RALGAPA1: variants seen among roughly 807,000 people sequenced by gnomAD.
The protein encoded by RALGAPA1 is ral GTPase-activating protein subunit alpha-1.
Under a neutral mutation model 269.6 loss-of-function variants are expected in RALGAPA1, and 52 were observed. That is an observed-to-expected ratio of 0.19 (90% confidence interval 0.15 to 0.24). The LOEUF (loss-of-function observed/expected upper bound fraction) is 0.24. Ranked by LOEUF, RALGAPA1 falls within the 10% of genes least tolerant of loss-of-function variation. RALGAPA1 has a pLI of 1.00. For synonymous variants in RALGAPA1, 817 were observed against 1,008.3 expected, an observed-to-expected ratio of 0.81 and a Z score of 3.60; for missense variants, 1,917 against 3,013.9, an observed-to-expected ratio of 0.64 and a Z score of 8.52.
intron 31 of RALGAPA1, among the ~76,000 whole-genome samples, chr14:35,636,876 T>C (rs2061694668): frequency 6.6e-6 from 1 of 152,006 alleles, no homozygotes; most frequent in Non-Finnish European, 1.5e-5. Context: ...TTTCTCCCAT[T>C]CTCCCACTGC....
chr14:35,681,795 G>A (rs1358454483), intron 21 of RALGAPA1, among the ~76,000 whole-genome samples: 3 of 152,012 alleles, frequency 2.0e-5, no homozygotes, highest in African/African-American at 4.8e-5. Context: ...ATCTGTAGTC[G>A]ATCCCCTCAA....
intron 16 of RALGAPA1, among the ~76,000 whole-genome samples, chr14:35,717,155 T>C (rs941437189): frequency 6.6e-6 from 1 of 152,206 alleles, no homozygotes; most frequent in African/African-American, 2.4e-5. Flanking sequence ...GTATATTCTA[T>C]ACCATTTTTT....
rs939609902 is a variant in RALGAPA1 at position 35,674,461 on chromosome 14, T to C, written c.4818+55A>G. ...CACAAATGTTTTCTAAGGCTTCTTC[T>C]ATTTTTAAATATTTTTATTTTCTTC... On this transcript the variant is annotated intron_variant, in intron 23 of 41. Transcript: ENST00000680220. The C allele has an allele frequency of 6.1e-6, 9 of 1,474,468 alleles. No homozygotes were observed. The African/African-American group carries it at 1.1e-4, about 19-fold the overall frequency. The allele number at this position is 1,474,468 out of a possible 1,614,324, so 91.3% of individuals were successfully genotyped here. A position where few individuals can be genotyped will look rare whatever the true frequency, so the allele number is the denominator to read the frequency against.
At chr14:35,586,462 C>T (rs1246094166) in intron 37 of RALGAPA1, among the ~76,000 whole-genome samples, 1 of 152,136 alleles carries the variant, frequency 6.6e-6, no homozygotes, top group African/African-American at 2.4e-5. Context: ...GCCTGATTGC[C>T]CTGGCCAGAA....
chr14:35,741,487 C>T (rs879604272), intron 11 of RALGAPA1, among the ~76,000 whole-genome samples: 4 of 152,140 alleles, frequency 2.6e-5, no homozygotes, highest in South Asian at 4.2e-4. Flanking sequence ...CACACACACA[C>T]GCTCAGGCTC....
chr14:35,651,932 C>CT, intron 30 of RALGAPA1, 59 bp from the exon 31 acceptor site: 1 of 1,397,926 alleles, frequency 7.2e-7, no homozygotes, highest in Non-Finnish European at 9.8e-7. Flanking sequence ...ATGGTACATC[C>CT]TAAAACTTGA....
At chr14:35,702,566 T>C (rs1222472090) in intron 16 of RALGAPA1, among the ~76,000 whole-genome samples, 1 of 152,076 alleles carries the variant, frequency 6.6e-6, no homozygotes, top group Non-Finnish European at 1.5e-5. Context: ...CCAACAATTT[T>C]ATAATCTAAT....
At chr14:35,707,066 C>G (rs1157906150) in intron 16 of RALGAPA1, 2 of 152,060 alleles carry the variant, frequency 1.3e-5, no homozygotes, top group African/African-American at 4.8e-5. Flanking sequence ...AAATATTTTG[C>G]TAGATTTATA....
At chr14:35,726,668 C>A (rs762131572) in intron 13 of RALGAPA1, among the ~76,000 whole-genome samples, 4 of 151,948 alleles carry the variant, frequency 2.6e-5, no homozygotes, top group Non-Finnish European at 4.4e-5. Flanking sequence ...TCCCAAAATG[C>A]TATTACTTCA....
chr14:35,703,615 C>T (rs1181891881), intron 16 of RALGAPA1, among the ~76,000 whole-genome samples: 1 of 152,078 alleles, frequency 6.6e-6, no homozygotes, highest in South Asian at 2.1e-4. Flanking sequence ...GCTATGCAAC[C>T]CTCACTATAG....
At chr14:35,585,687 A>G (rs188510737) in intron 37 of RALGAPA1, among the ~76,000 whole-genome samples, 29 of 152,316 alleles carry the variant, frequency 1.9e-4, no homozygotes, top group African/African-American at 6.7e-4. Context: ...CAGTTTCCCC[A>G]GCACCATTTA....
rs1326894093 is a variant in RALGAPA1, at chr14:35,661,142, CA to C, written c.5329-1947del. Among the ~76,000 whole-genome samples, 5 of 151,822 alleles carry C rather than the reference CA, an allele frequency of 3.3e-5. No individual in the cohort carries two copies. In the East Asian group the frequency reaches 9.7e-4, roughly 29 times the overall value. ...CTTGGTTTCTTTTACTCCCTCTCAC[CA>C]AAAAAAGATAGCCATGTGAGGTGAT... On this transcript the variant is annotated intron_variant, in intron 27 of 41. Transcript: ENST00000680220.
intron 16 of RALGAPA1, among the ~76,000 whole-genome samples, chr14:35,716,928 T>C (rs1486136432): frequency 6.6e-6 from 1 of 152,194 alleles, no homozygotes; most frequent in South Asian, 2.1e-4. Flanking sequence ...TTTGCAAATA[T>C]AAATAATCTG....
chr14:35,584,851 C>T (rs1350309269), intron 37 of RALGAPA1, among the ~76,000 whole-genome samples: 2 of 151,938 alleles, frequency 1.3e-5, no homozygotes, highest in African/African-American at 4.8e-5. Context: ...ATTAATTCAA[C>T]TATATTAATA....
At chr14:35,657,064 A>T (rs2063219255) in intron 28 of RALGAPA1, among the ~76,000 whole-genome samples, 1 of 152,142 alleles carries the variant, frequency 6.6e-6, no homozygotes, top group South Asian at 2.1e-4. Flanking sequence ...TTTTTCTTGC[A>T]TGTAGAGTTT....
chr14:35,545,917 G>GA (rs1459981824), intron 41 of RALGAPA1, among the ~76,000 whole-genome samples: 1 of 151,992 alleles, frequency 6.6e-6, no homozygotes, highest in Middle Eastern at 3.2e-3. Context: ...TTGTAAATAT[G>GA]AAAAAACTTT....
intron 35 of RALGAPA1, among the ~76,000 whole-genome samples, chr14:35,606,359 G>A (rs1458190852): frequency 6.6e-6 from 1 of 152,180 alleles, no homozygotes; most frequent in Non-Finnish European, 1.5e-5. Context: ...ACATGTTACT[G>A]TAGGAATACT....
intron 8 of RALGAPA1, among the ~76,000 whole-genome samples, chr14:35,751,128 A>G (rs1412016932): frequency 2.6e-5 from 4 of 152,252 alleles, no homozygotes; most frequent in African/African-American, 9.6e-5. Context: ...GACTACCAAT[A>G]CCTTCTATAT....
chr14:35,782,699 C>G (rs773463177), intron 1 of RALGAPA1, among the ~76,000 whole-genome samples: 18 of 152,088 alleles, frequency 1.2e-4, no homozygotes, highest in Non-Finnish European at 2.5e-4. Context: ...GCTGGGATTA[C>G]AGACATGAGC....
Sources: gnomAD v4.1 joint callset for allele counts (sites outside exome capture counted in the v4.1 genomes callset) on GRCh38, gnomAD v4.1.1 for gene constraint, MANE v1.5 for transcripts, NCBI Gene and HGNC (gene_info 2026-07-23, HGNC 2026-07-21) for gene names.